Variants in CLSTN2 observed in about 807,000 individuals in gnomAD.
CLSTN2 encodes calsyntenin-2.
CLSTN2 carries 48 observed loss-of-function variants against 101.2 expected under a neutral mutation model. The ratio of observed to expected loss-of-function variants is 0.47; its 90% CI spans 0.38 to 0.60. CLSTN2 has a LOEUF of 0.60. CLSTN2 is among the 20% of genes least tolerant of loss of function. CLSTN2 has a pLI of 0.00. For synonymous variants in CLSTN2, 481 were observed against 463.6 expected (o/e 1.04, Z -0.48); for missense variants, 1,160 against 1,238.2 (o/e 0.94, Z 0.95).
chr3:140,432,669 A>G (rs1342465532), intron 5 of CLSTN2, among the ~76,000 whole-genome samples: 1 of 152,130 alleles, frequency 6.6e-6, no homozygotes, highest in Admixed American at 6.5e-5. Context: ...TGGTATCTTA[A>G]TGTGCTTAAA....
At chr3:140,150,632 A>G (rs745610433) in intron 1 of CLSTN2, among the ~76,000 whole-genome samples, 9 of 152,078 alleles carry the variant, frequency 5.9e-5, no homozygotes, top group Non-Finnish European at 1.0e-4. Flanking sequence ...TCTTAGCCCA[A>G]CTCAAGACAA....
chr3:140,178,355 A>G (rs1388480710), intron 2 of CLSTN2, among the ~76,000 whole-genome samples: 1 of 152,216 alleles, frequency 6.6e-6, no homozygotes, highest in Non-Finnish European at 1.5e-5. Context: ...AAGACTCACA[A>G]AAGGATTTCC....
intron 1 of CLSTN2, among the ~76,000 whole-genome samples, chr3:140,076,632 T>TTTTTG (rs2008496551): frequency 7.2e-6 from 1 of 138,608 alleles, no homozygotes; most frequent in Non-Finnish European, 1.5e-5. Context: ...AGTGTTTTTT[T>TTTTTG]TTTTTTTTTT....
chr3:140,403,578 C>T, intron 2 of CLSTN2, 51 bp from the exon 3 acceptor site: 1 of 1,456,872 alleles, frequency 6.9e-7, no homozygotes, highest in South Asian at 1.3e-5. Context: ...GCACTGTCTT[C>T]AGTCTGGCAA....
chr3:140,553,806 G>A (rs1935751092), intron 10 of CLSTN2, among the ~76,000 whole-genome samples: 1 of 152,120 alleles, frequency 6.6e-6, no homozygotes, highest in Admixed American at 6.5e-5. Context: ...GGCCACCTGT[G>A]GTACAAGGTG....
Position 140,003,518 on chromosome 3 carries a change from T to G in CLSTN2, c.109+68035T>G, listed in dbSNP as rs373825223. Among the ~76,000 whole-genome samples, 4 of 152,300 alleles carry G rather than the reference T, an allele frequency of 2.6e-5. No homozygotes were observed. In the East Asian group the frequency reaches 7.7e-4, roughly 29 times the overall value. ...CTTCCTTTCCAATTTGGATGCCCTT[T>G]ATACCTTTCTCTTTTCTGATTGCTC... is the stretch of plus-strand genomic sequence containing the variant. On this transcript the variant is annotated intron_variant, in intron 1 of 16. Transcript: ENST00000458420.
intron 1 of CLSTN2, among the ~76,000 whole-genome samples, chr3:140,042,283 C>G (rs2007775764): frequency 6.6e-6 from 1 of 152,184 alleles, no homozygotes; most frequent in South Asian, 2.1e-4. Context: ...GTTTCTGCTG[C>G]ACAGTTATCC....
intron 1 of CLSTN2, among the ~76,000 whole-genome samples, chr3:139,952,643 T>TG (rs990977683): frequency 6.6e-6 from 1 of 152,120 alleles, no homozygotes; most frequent in African/African-American, 2.4e-5. Context: ...AAAAAAAAAT[T>TG]GGGGGAGCAA....
At chr3:140,173,333 A>T (rs921964262) in intron 1 of CLSTN2, among the ~76,000 whole-genome samples, 1 of 152,204 alleles carries the variant, frequency 6.6e-6, no homozygotes, top group Non-Finnish European at 1.5e-5. Context: ...CTGATGCAAG[A>T]GGTAGGTTCC....
chr3:140,001,322 CT>C (rs1242777772), intron 1 of CLSTN2, among the ~76,000 whole-genome samples: 2 of 151,944 alleles, frequency 1.3e-5, no homozygotes, highest in South Asian at 4.2e-4. Flanking sequence ...TCATCTTCTG[CT>C]TTATCTAGTT....
intron 1 of CLSTN2, among the ~76,000 whole-genome samples, chr3:140,134,406 A>AC (rs1391625235): frequency 6.6e-6 from 1 of 151,858 alleles, no homozygotes; most frequent in Non-Finnish European, 1.5e-5. Context: ...ACTCCTCTCT[A>AC]CACATTAGGA....
chr3:139,980,150 C>G (rs112141664), intron 1 of CLSTN2, among the ~76,000 whole-genome samples: 1 of 152,058 alleles, frequency 6.6e-6, no homozygotes, highest in African/African-American at 2.4e-5. Flanking sequence ...CCCTAGGCCC[C>G]CAGTCTGAAA....
intron 2 of CLSTN2, among the ~76,000 whole-genome samples, chr3:140,346,307 C>A (rs970333309): frequency 1.3e-5 from 2 of 152,144 alleles, no homozygotes; most frequent in Non-Finnish European, 2.9e-5. Flanking sequence ...CAAACAAGTT[C>A]TTTTGGGTAT....
At chr3:140,531,293 C>T (rs976204510) in intron 8 of CLSTN2, among the ~76,000 whole-genome samples, 70 of 152,140 alleles carry the variant, frequency 4.6e-4, no homozygotes, top group Admixed American at 3.7e-3. Context: ...TTTTCTGAGA[C>T]ATGAGACAGG....
chr3:140,012,578 G>A (rs563541836), intron 1 of CLSTN2, among the ~76,000 whole-genome samples: 56 of 152,274 alleles, frequency 3.7e-4, no homozygotes, highest in Non-Finnish European at 6.0e-4. Flanking sequence ...GGGATGACCA[G>A]CAAAATCTTT....
intron 1 of CLSTN2, among the ~76,000 whole-genome samples, chr3:140,019,635 G>T (rs1301985295): frequency 3.3e-5 from 5 of 152,144 alleles, no homozygotes; most frequent in Non-Finnish European, 7.3e-5. Context: ...TCACTGAAGA[G>T]TTTAAAGCAG....
intron 1 of CLSTN2, among the ~76,000 whole-genome samples, chr3:140,109,712 C>T (rs923475914): frequency 6.6e-6 from 1 of 152,168 alleles, no homozygotes; most frequent in African/African-American, 2.4e-5. Flanking sequence ...GAGAGGGCAA[C>T]TCTTTCCAGC....
At chr3:140,372,431 C>A (rs1431766083) in intron 2 of CLSTN2, among the ~76,000 whole-genome samples, 3 of 152,152 alleles carry the variant, frequency 2.0e-5, no homozygotes, top group Admixed American at 1.3e-4. Context: ...GGATGCCATC[C>A]CTGAATGCAG....
At chr3:139,952,100 C>T (rs564656497) in intron 1 of CLSTN2, among the ~76,000 whole-genome samples, 1 of 152,078 alleles carries the variant, frequency 6.6e-6, no homozygotes, top group Admixed American at 6.5e-5. Context: ...ATGGTATAGC[C>T]CCTTAATAAG....
Sources: gnomAD v4.1 joint callset for allele counts (sites outside exome capture counted in the v4.1 genomes callset) on GRCh38, gnomAD v4.1.1 for gene constraint, MANE v1.5 for transcripts, NCBI Gene and HGNC (gene_info 2026-07-23, HGNC 2026-07-21) for gene names.